Variants in LHFPL6 observed in about 807,000 individuals in gnomAD.
LHFPL6 encodes LHFPL tetraspan subfamily member 6.
A neutral mutation model predicts 20.6 loss-of-function variants in LHFPL6; 9 were observed. The observed-to-expected ratio is 0.44, with a 90% confidence interval of 0.26 to 0.76. The LOEUF is 0.76. Ranked by LOEUF, LHFPL6 falls within the 30% of genes least tolerant of loss-of-function variation. The probability of loss-of-function intolerance (pLI) is 0.20; values close to 1 mark genes in which losing one functional copy is unlikely to be tolerated. For missense variants in LHFPL6, 218 were observed against 253.5 expected (o/e 0.86, Z 0.95); for synonymous variants, 105 against 98.7 (o/e 1.06, Z -0.38).
intron 2 of LHFPL6, among the ~76,000 whole-genome samples, chr13:39,379,008 T>C (rs1349084415): frequency 6.6e-6 from 1 of 152,158 alleles, no homozygotes; most frequent in Non-Finnish European, 1.5e-5. Context: ...GTTTCATGAA[T>C]GGCCTCAGCA....
At chr13:39,538,552 C>G (rs1005120734) in intron 2 of LHFPL6, among the ~76,000 whole-genome samples, 12 of 149,948 alleles carry the variant, frequency 8.0e-5, no homozygotes, top group Non-Finnish European at 1.3e-4. Context: ...ATGGCATGGC[C>G]TTTTCAGGAG....
intron 2 of LHFPL6, among the ~76,000 whole-genome samples, chr13:39,531,113 T>C (rs1870452384): frequency 6.6e-6 from 1 of 152,260 alleles, no homozygotes; most frequent in Admixed American, 6.5e-5. Context: ...GGTCATGAAT[T>C]ACAGCTAATA....
In LHFPL6 at chr13:39,565,331, G is replaced by GTT. The variant is rs562660771; in HGVS notation, c.385+35500_385+35501insAA. On this transcript the variant is annotated intron_variant, in intron 2 of 3. Coordinates refer to ENST00000379589, the MANE Select transcript of LHFPL6 (RefSeq NM_005780.3). ...TCTAAACATTACAGGCAAAAAGAAAGGTTTTTTAAATTTCATTTTGTGTTC... is the reference window on the plus strand; with the variant it reads ...TCTAAACATTACAGGCAAAAAGAAAGTTGTTTTTTAAATTTCATTTTGTGTTC... Among the ~76,000 whole-genome samples the GTT allele has an allele frequency of 5.3e-3, 607 of 114,938 alleles. 5 individuals carry two copies. Among genetic ancestry groups the GTT allele is most frequent in the African/African-American group, 0.022 (571 of 25,826 alleles). The allele number at this position is 114,938 out of a possible 152,430, so 75.4% of individuals were successfully genotyped here.
chr13:39,423,182 C>A (rs893426511), intron 2 of LHFPL6, among the ~76,000 whole-genome samples: 1 of 152,242 alleles, frequency 6.6e-6, no homozygotes, highest in African/African-American at 2.4e-5. Context: ...TAATTCTCAA[C>A]AAATCTCTTG....
chr13:39,350,445 GA>G (rs1250142358), intron 3 of LHFPL6, among the ~76,000 whole-genome samples: 2 of 152,056 alleles, frequency 1.3e-5, no homozygotes, highest in Non-Finnish European at 2.9e-5. Context: ...TACAGTCATA[GA>G]AAAAAAGTGT....
rs1593281788 is a variant in LHFPL6 at position 39,352,909 on chromosome 13, A to ATGTCTATATATG, written c.485-8856_485-8855insCATATATAGACA. 4.8e-5 allele frequency among the ~76,000 whole-genome samples: 2 copies of ATGTCTATATATG among 42,002 alleles called. 1 individual carries two copies. The highest frequency in any genetic ancestry group is 1.5e-4 in the African/African-American group (2 of 12,976). The allele number at this position is 42,002 out of a possible 152,430, so 27.6% of individuals were successfully genotyped here. A position where few individuals can be genotyped will look rare whatever the true frequency, so the allele number is the denominator to read the frequency against. On this transcript the variant is annotated intron_variant, in intron 3 of 3. Transcript: ENST00000379589. ...TATATATATGTGTATATATATATAA[A>ATGTCTATATATG]TGTATATATATATAAATGTATATAT...
chr13:39,460,776 T>C (rs1254936478), intron 2 of LHFPL6, among the ~76,000 whole-genome samples: 2 of 152,250 alleles, frequency 1.3e-5, no homozygotes, highest in Non-Finnish European at 2.9e-5. Flanking sequence ...TCTGTGTTTC[T>C]GCCAGTGCTT....
At position 39,560,517 on chromosome 13, in the gene LHFPL6, T is replaced by TC. The variant is rs1306844291; in HGVS notation, c.385+40314_385+40315insG. ...TATGCAAATTCTCTTTTTTTTTTTT[T>TC]TTTTTTTCTTTTTTTGAGACGGCGT... On this transcript the variant is annotated intron_variant, in intron 2 of 3. Transcript: ENST00000379589. Among the ~76,000 whole-genome samples the TC allele has an allele frequency of 1.2e-3, 180 of 144,372 alleles. 4 individuals are homozygous for TC. Among genetic ancestry groups the TC allele is most frequent in the African/African-American group, 4.5e-3 (173 of 38,678 alleles). 94.7% of individuals were successfully genotyped at this position (144,372 alleles called of 152,430 possible). A position where few individuals can be genotyped will look rare whatever the true frequency, so the allele number is the denominator to read the frequency against.
intron 2 of LHFPL6, among the ~76,000 whole-genome samples, chr13:39,456,129 T>A (rs911007381): frequency 6.6e-6 from 1 of 152,216 alleles, no homozygotes; most frequent in Non-Finnish European, 1.5e-5. Context: ...TGGACTCACA[T>A]CTAGACAAGT....
rs368707433 is a variant in LHFPL6, at chr13:39,344,633, A to T, written c.485-579T>A. Among the ~76,000 whole-genome samples, 5 of 152,342 alleles carry T rather than the reference A, an allele frequency of 3.3e-5. No individual in the cohort carries two copies. In the East Asian group the frequency reaches 7.7e-4, roughly 24 times the overall value. On this transcript the variant is annotated intron_variant, in intron 3 of 3. Coordinates refer to ENST00000379589, the MANE Select transcript of LHFPL6 (RefSeq NM_005780.3). Reference sequence around the variant, plus strand: ...AAGATAAAGTGTCATTTAAATGAAAATATAATGACAAGCATCCAAGTGGGT... The same window carrying T: ...AAGATAAAGTGTCATTTAAATGAAATTATAATGACAAGCATCCAAGTGGGT...
At chr13:39,587,132 G>A (rs1872472964) in intron 2 of LHFPL6, among the ~76,000 whole-genome samples, 1 of 148,230 alleles carries the variant, frequency 6.7e-6, no homozygotes, top group Non-Finnish European at 1.5e-5. Context: ...ACTCCAGCCT[G>A]GGCAATAAGA....
intron 2 of LHFPL6, among the ~76,000 whole-genome samples, chr13:39,474,347 G>A (rs1442254221): frequency 1.3e-5 from 2 of 152,064 alleles, no homozygotes; most frequent in African/African-American, 4.8e-5. Flanking sequence ...AATTTCACTT[G>A]TTTTTATTTT....
At chr13:39,499,495 C>A in intron 2 of LHFPL6, among the ~76,000 whole-genome samples, 1 of 152,178 alleles carries the variant, frequency 6.6e-6, no homozygotes, top group Non-Finnish European at 1.5e-5. Flanking sequence ...TAACCACATT[C>A]CTATTTAAAA....
intron 3 of LHFPL6, among the ~76,000 whole-genome samples, chr13:39,372,653 G>A (rs760621351): frequency 8.5e-5 from 13 of 152,074 alleles, no homozygotes; most frequent in Non-Finnish European, 1.5e-4. Context: ...AGAATCAATC[G>A]GATTATAAGA....
At chr13:39,416,264 A>T (rs9566431) in intron 2 of LHFPL6, among the ~76,000 whole-genome samples, 12,195 of 152,154 alleles carry the variant, frequency 0.08, 610 homozygotes, top group Middle Eastern at 0.14. Flanking sequence ...TGATATGTTT[A>T]TCTGTTTTGT....
chr13:39,513,675 A>T (rs967557075), intron 2 of LHFPL6, among the ~76,000 whole-genome samples: 1 of 152,246 alleles, frequency 6.6e-6, no homozygotes, highest in African/African-American at 2.4e-5. Flanking sequence ...CCTCACAATA[A>T]GTCTATAAAG....
intron 3 of LHFPL6, among the ~76,000 whole-genome samples, chr13:39,376,061 G>C (rs1433780074): frequency 6.6e-6 from 1 of 152,162 alleles, no homozygotes; most frequent in Non-Finnish European, 1.5e-5. Flanking sequence ...GACATTCAAA[G>C]TTTTATTCCA....
intron 2 of LHFPL6, among the ~76,000 whole-genome samples, chr13:39,387,287 G>A (rs1452472113): frequency 8.6e-5 from 13 of 151,990 alleles, no homozygotes; most frequent in Admixed American, 5.2e-4. Context: ...GGTGGCTCAC[G>A]CCTGTAATCC....
chr13:39,373,747 A>C (rs915560506), intron 3 of LHFPL6, among the ~76,000 whole-genome samples: 1 of 152,224 alleles, frequency 6.6e-6, no homozygotes, highest in African/African-American at 2.4e-5. Context: ...ATAAAGTTTA[A>C]TTGGCAAGCA....
Sources: allele counts gnomAD v4.1 joint callset (sites outside exome capture counted in the v4.1 genomes callset), GRCh38; gene constraint gnomAD v4.1.1; transcripts MANE v1.5; gene names NCBI Gene and HGNC (gene_info 2026-07-23, HGNC 2026-07-21).